Variants in PCDHA7 observed in about 807,000 individuals in gnomAD.
PCDHA7 encodes the protein protocadherin alpha 7.
A neutral mutation model predicts 57.2 loss-of-function variants in PCDHA7; 37 were observed. The ratio of observed to expected loss-of-function variants is 0.65; its 90% CI spans 0.50 to 0.85. The LOEUF is 0.85. PCDHA7 is among the 40% of genes least tolerant of loss of function. PCDHA7 has a pLI of 0.00. For missense variants in PCDHA7, 1,188 were observed against 1,241.8 expected (o/e 0.96, Z 0.65); for synonymous variants, 553 against 558.8 (o/e 0.99, Z 0.15).
chr5:140,918,503 C>G (rs2078725431), intron 1 of PCDHA7, among the ~76,000 whole-genome samples: 1 of 152,056 alleles, frequency 6.6e-6, no homozygotes, highest in Non-Finnish European at 1.5e-5. Flanking sequence ...GGTACCAATC[C>G]TTTTAAACTT....
chr5:140,853,347 T>A, intron 1 of PCDHA7: 1 of 983,892 alleles, frequency 1.0e-6, no homozygotes. Context: ...TTAGCAAACA[T>A]GAACTCACAG....
In PCDHA7 at chr5:140,982,542, A is replaced by T; in HGVS notation, c.2482A>T (p.Thr828Ser). 6.2e-7 allele frequency: 1 copy of T among 1,614,210 alleles called. No individual in the cohort carries two copies. Among genetic ancestry groups the T allele is most frequent in the Non-Finnish European group, 8.5e-7 (1 of 1,180,042 alleles). The change falls in exon 3 of 4, where the codon ACA becomes TCA. Residue 828 changes from threonine (T) to serine (S), a missense_variant. This residue lies in a region of PCDHA7 where 892 missense variants were observed against 788.5 expected (regional missense o/e 1.13). Transcript: ENST00000525929. ...AGGAGGGCCTGATCAGCAGTGGCCA[A>T]CAGTATCCAGTGCAACACCAGGTAA... is the stretch of plus-strand genomic sequence containing the variant. The part of the protein sequence containing the change: ...GPGGPDQQWP[T>S]VSSATPEPEA...
intron 1 of PCDHA7, among the ~76,000 whole-genome samples, chr5:140,908,277 T>C (rs2073893618): frequency 6.6e-6 from 1 of 152,162 alleles, no homozygotes; most frequent in Non-Finnish European, 1.5e-5. Context: ...CATGAGGCCA[T>C]TGTTGCAAGC....
Position 141,010,263 on chromosome 5 carries a change from C to T in PCDHA7, c.*326C>T, listed in dbSNP as rs782479376. On this transcript the variant is annotated 3_prime_UTR_variant, in exon 4 of 4. Transcript: ENST00000525929. Reference sequence around the variant, plus strand: ...AGGTTGGACTCTCTGCCCTGTGCTCCGGGGATCCTGTCTTGATGACACTTG... The same window carrying T: ...AGGTTGGACTCTCTGCCCTGTGCTCTGGGGATCCTGTCTTGATGACACTTG... The T allele has an allele frequency of 8.4e-6, 13 of 1,551,608 alleles. No homozygotes were observed. Among genetic ancestry groups the T allele is most frequent in the African/African-American group, 5.5e-5 (4 of 73,018 alleles).
In PCDHA7 at chr5:140,976,256, AAC is replaced by A. The variant is rs372931931; in HGVS notation, c.2356-2689_2356-2688del. On this transcript the variant is annotated intron_variant, in intron 1 of 3. Transcript: ENST00000525929. Reference sequence around the variant, plus strand: ...TGTCATTTCATGTAAATTTATTTAAAACACAGACTTTTGGCAAGGCACAGTGG... The same window carrying A: ...TGTCATTTCATGTAAATTTATTTAAAACAGACTTTTGGCAAGGCACAGTGG... Among the ~76,000 whole-genome samples the A allele has an allele frequency of 3.2e-3, 487 of 152,352 alleles. 7 individuals carry two copies. Among genetic ancestry groups the A allele is most frequent in the Middle Eastern group, 0.01 (3 of 294 alleles).
chr5:140,923,280 A>C (rs2081292990), intron 1 of PCDHA7, among the ~76,000 whole-genome samples: 1 of 152,220 alleles, frequency 6.6e-6, no homozygotes, highest in South Asian at 2.1e-4. Context: ...CTCTACAAAA[A>C]ATTAAAAATT....
intron 1 of PCDHA7, chr5:140,843,145 GT>G: frequency 6.3e-7 from 1 of 1,596,072 alleles, no homozygotes; most frequent in Non-Finnish European, 8.6e-7. Context: ...CGTGGCTTTC[GT>G]ATGAGCTGCA....
intron 1 of PCDHA7, chr5:140,853,042 C>T (rs1417504758): frequency 3.7e-6 from 1 of 269,692 alleles, no homozygotes; most frequent in African/African-American, 2.3e-5. Flanking sequence ...CCATGCCCGC[C>T]TAATTTTTTT....
chr5:140,982,330 A>G (rs1164990385), intron 2 of PCDHA7, 145 bp from the exon 3 acceptor site: 3 of 1,429,408 alleles, frequency 2.1e-6, no homozygotes, highest in Non-Finnish European at 2.8e-6. Flanking sequence ...GTGACTGCTC[A>G]GCAGTAATTG....
At chr5:140,857,215 G>A in intron 1 of PCDHA7, 1 of 1,598,474 alleles carries the variant, frequency 6.3e-7, no homozygotes. Flanking sequence ...GCTCTCTGAC[G>A]CCTCACGTTC....
At chr5:140,918,943 T>C (rs1554198839) in intron 1 of PCDHA7, among the ~76,000 whole-genome samples, 1 of 152,220 alleles carries the variant, frequency 6.6e-6, no homozygotes, top group Non-Finnish European at 1.5e-5. Context: ...TGTTATAATA[T>C]CCTGAACAGA....
At chr5:140,942,406 G>GT (rs1554214961) in intron 1 of PCDHA7, among the ~76,000 whole-genome samples, 2 of 149,658 alleles carry the variant, frequency 1.3e-5, no homozygotes, top group South Asian at 2.1e-4. Flanking sequence ...ATGAGACTCT[G>GT]TTTAAAAAAA....
intron 1 of PCDHA7, chr5:140,884,314 G>T: frequency 6.2e-7 from 1 of 1,613,760 alleles, no homozygotes. Context: ...CGTCGAGGGC[G>T]TCGGCAGGCG....
chr5:140,848,575 G>A lies in PCDHA7; in HGVS notation c.2355+11837G>A, dbSNP rs1554142211. 6 of 1,595,558 alleles carry A rather than the reference G, an allele frequency of 3.8e-6. 1 individual carries two copies. In the East Asian group the frequency reaches 1.3e-4, roughly 36 times the overall value. ...CTGATCCTCGCAATGTGGGTGGTGG[G>A]GAGCGGCCAGCTCCACTACTCCGTC... On this transcript the variant is annotated intron_variant, in intron 1 of 3. Coordinates refer to ENST00000525929, the MANE Select transcript of PCDHA7 (RefSeq NM_018910.3).
chr5:140,893,519 C>T (rs1199543838), intron 1 of PCDHA7, among the ~76,000 whole-genome samples: 1 of 152,084 alleles, frequency 6.6e-6, no homozygotes, highest in African/African-American at 2.4e-5. Flanking sequence ...AGTTGTAGAA[C>T]TCCTTTAAGT....
chr5:140,868,001 TG>T (rs1353110164), intron 1 of PCDHA7: 4 of 152,120 alleles, frequency 2.6e-5, no homozygotes, highest in Non-Finnish European at 5.9e-5. Context: ...TGAATATAAC[TG>T]AATTAGATTA....
In PCDHA7 at chr5:140,835,707, T is replaced by C; in HGVS notation, c.1324T>C (p.Ser442Pro). 1 of 1,613,858 alleles carries C rather than the reference T, an allele frequency of 6.2e-7. No individual in the cohort carries two copies. The highest frequency in any genetic ancestry group is 8.5e-7 in the Non-Finnish European group (1 of 1,179,880). ...SPSLWATASV[S>P]VEVADVNDNA... The stretch of plus-strand genomic sequence containing the variant: ...TTCTCTGTGGGCCACTGCTAGCGTG[T>C]CCGTGGAGGTGGCCGACGTGAACGA... The change falls in exon 1 of 4, where the codon TCC becomes CCC. Residue 442 changes from serine (S) to proline (P), a missense_variant. Physicochemically the swap from Ser to Pro is moderately conservative, Grantham distance 74 (BLOSUM62 -1). Coordinates refer to ENST00000525929, the MANE Select transcript of PCDHA7 (RefSeq NM_018910.3).
chr5:140,976,414 G>A (rs1242756697), intron 1 of PCDHA7, among the ~76,000 whole-genome samples: 2 of 151,998 alleles, frequency 1.3e-5, no homozygotes, highest in African/African-American at 2.4e-5. Context: ...AGCCAGGTAC[G>A]GTGGCAGATG....
chr5:140,837,733 GT>G (rs1775232652), intron 1 of PCDHA7, among the ~76,000 whole-genome samples: 1 of 151,046 alleles, frequency 6.6e-6, no homozygotes, highest in Non-Finnish European at 1.5e-5. Context: ...CTGAAATGCA[GT>G]GGTGGGATTA....
Sources: allele counts gnomAD v4.1 joint callset (sites outside exome capture counted in the v4.1 genomes callset), GRCh38; gene constraint gnomAD v4.1.1; regional missense constraint gnomAD v4.1.1; transcripts MANE v1.5; gene names NCBI Gene and HGNC (gene_info 2026-07-23, HGNC 2026-07-21).